Variants in R3HDM2 observed in about 807,000 individuals in gnomAD.
R3HDM2 encodes R3H domain-containing protein 2.
Under a neutral mutation model 124.5 loss-of-function variants are expected in R3HDM2, and 38 were observed. The ratio of observed to expected loss-of-function variants is 0.31; its 90% CI spans 0.24 to 0.40. The LOEUF is 0.40. R3HDM2 is among the 10% of genes least tolerant of loss of function. R3HDM2 has a pLI of 1.00. For synonymous variants in R3HDM2, 391 were observed against 448.0 expected, an observed-to-expected ratio of 0.87 and a Z score of 1.61; for missense variants, 869 against 1,236.9, an observed-to-expected ratio of 0.70 and a Z score of 4.46.
intron 3 of R3HDM2, 49 bp from the exon 4 acceptor site, chr12:57,303,266 G>T: frequency 7.0e-7 from 1 of 1,432,636 alleles, no homozygotes; most frequent in South Asian, 1.2e-5. Context: ...AAATCGACAT[G>T]TAAGTTAAAA....
intron 12 of R3HDM2, among the ~76,000 whole-genome samples, chr12:57,286,862 G>A (rs905979574): frequency 2.6e-5 from 4 of 151,928 alleles, no homozygotes; most frequent in African/African-American, 7.3e-5. Flanking sequence ...TGGGCAACAA[G>A]AGCGAAACTC....
At chr12:57,279,178 C>CTT (rs1212781487) in intron 14 of R3HDM2, among the ~76,000 whole-genome samples, 40 of 114,890 alleles carry the variant, frequency 3.5e-4, no homozygotes, top group Non-Finnish European at 4.9e-4. Flanking sequence ...ATTAAGGTGA[C>CTT]TTTTTTTTTT....
chr12:57,262,574 G>A (rs931011957), intron 19 of R3HDM2, among the ~76,000 whole-genome samples: 5 of 152,190 alleles, frequency 3.3e-5, no homozygotes, highest in Non-Finnish European at 5.9e-5. Flanking sequence ...GTTGTTCCAG[G>A]AACAGCTAAT....
intron 2 of R3HDM2, among the ~76,000 whole-genome samples, chr12:57,370,132 G>A (rs894348626): frequency 1.3e-5 from 2 of 152,196 alleles, no homozygotes; most frequent in Non-Finnish European, 2.9e-5. Context: ...ATGTGTGAGG[G>A]AGGGAGGCTT....
chr12:57,350,409 A>T (rs977508864), intron 2 of R3HDM2, among the ~76,000 whole-genome samples: 2 of 152,108 alleles, frequency 1.3e-5, no homozygotes, highest in African/African-American at 4.8e-5. Context: ...AAAAGCTTAC[A>T]TGAGTGAAGA....
At position 57,300,305 on chromosome 12, in the gene R3HDM2, T is replaced by C. The variant is rs529303298; in HGVS notation, c.208-124A>G. 1.1e-5 allele frequency: 9 copies of C among 786,734 alleles called. No individual in the cohort carries two copies. In the South Asian group the frequency reaches 1.6e-4, roughly 14 times the overall value. 48.7% of individuals were successfully genotyped at this position (786,734 alleles called of 1,614,324 possible). A position where few individuals can be genotyped will look rare whatever the true frequency, so the allele number is the denominator to read the frequency against. On this transcript the variant is annotated intron_variant, in intron 4 of 23. Coordinates refer to ENST00000402412, the MANE Select transcript of R3HDM2 (RefSeq NM_001394031.1). ...TCCTCTTTGGCTCTGTTAGTTGCTGTTTCCATTAAACAGGGGTTTTTTTCA... is the reference window on the plus strand; with the variant it reads ...TCCTCTTTGGCTCTGTTAGTTGCTGCTTCCATTAAACAGGGGTTTTTTTCA...
rs117374366 is a variant in R3HDM2, at chr12:57,386,383, G to C, written c.-36+9366C>G. 8.9e-3 allele frequency among the ~76,000 whole-genome samples: 1,362 copies of C among 152,368 alleles called. 22 individuals carry two copies. Among genetic ancestry groups the C allele is most frequent in the East Asian group, 0.071 (369 of 5,176 alleles). ...CAGCACGAGTTCCGGGTGGGAGTGG[G>C]CTCGGCAGGCTCCGCACTCGGAGAG... On this transcript the variant is annotated intron_variant, in intron 2 of 23. Transcript: ENST00000402412.
At chr12:57,429,682 C>A (rs2139773183) in intron 1 of R3HDM2, among the ~76,000 whole-genome samples, 1 of 146,822 alleles carries the variant, frequency 6.8e-6, no homozygotes, top group Admixed American at 7.0e-5. Context: ...CACTACACTC[C>A]ATTCTGGGTG....
intron 2 of R3HDM2, among the ~76,000 whole-genome samples, chr12:57,385,081 G>T (rs1594268666): frequency 6.6e-6 from 1 of 151,846 alleles, no homozygotes; most frequent in African/African-American, 2.4e-5. Context: ...AGGAGGTGGA[G>T]GTTGCAGTGA....
rs772797397 is a variant in R3HDM2 at position 57,369,333 on chromosome 12, G to C, written c.-36+26416C>G. 2.4e-4 allele frequency among the ~76,000 whole-genome samples: 37 copies of C among 152,158 alleles called. 1 individual carries two copies. Among genetic ancestry groups the C allele is most frequent in the Non-Finnish European group, 4.4e-5 (3 of 68,026 alleles). ...GCAGATGATATGTGATTCTGGTTCT[G>C]AAAGTCACCTAAAAGACTTTCATTG... On this transcript the variant is annotated intron_variant, in intron 2 of 23. Coordinates refer to ENST00000402412, the MANE Select transcript of R3HDM2 (RefSeq NM_001394031.1).
chr12:57,326,987 CA>C (rs57255275), intron 2 of R3HDM2, among the ~76,000 whole-genome samples: 12 of 149,400 alleles, frequency 8.0e-5, no homozygotes, highest in African/African-American at 2.9e-4. Context: ...ATATGTTGCT[CA>C]AAAAAAAAAA....
intron 1 of R3HDM2, among the ~76,000 whole-genome samples, chr12:57,420,204 T>C (rs2070054149): frequency 6.6e-6 from 1 of 152,188 alleles, no homozygotes; most frequent in Non-Finnish European, 1.5e-5. Flanking sequence ...CCTGTATATA[T>C]AAATATGCTC....
intron 12 of R3HDM2, among the ~76,000 whole-genome samples, chr12:57,285,313 G>A (rs1164575778): frequency 6.6e-6 from 1 of 152,086 alleles, no homozygotes; most frequent in African/African-American, 2.4e-5. Flanking sequence ...TAGGAAAAAT[G>A]GGCAAAATAC....
chr12:57,279,969 G>A (rs769925587), intron 14 of R3HDM2, among the ~76,000 whole-genome samples: 4 of 152,102 alleles, frequency 2.6e-5, no homozygotes, highest in Admixed American at 1.3e-4. Context: ...CCACATAGTT[G>A]GTCAGATGAT....
Position 57,259,071 on chromosome 12 carries a change from G to A in R3HDM2, c.2132-12C>T, listed in dbSNP as rs2039967949. 1 of 1,604,472 alleles carries A rather than the reference G, an allele frequency of 6.2e-7. No individual in the cohort carries two copies. Among genetic ancestry groups the A allele is most frequent in the South Asian group, 1.1e-5 (1 of 89,504 alleles). On this transcript the variant is annotated splice_polypyrimidine_tract_variant and intron_variant, in intron 19 of 23. Transcript: ENST00000402412. ...AGAAGGTGACACTCCTGAAGGGCAG[G>A]AAGAAAGCAGTTGGTTACAAATTCC...
intron 1 of R3HDM2, among the ~76,000 whole-genome samples, chr12:57,412,589 A>C (rs561880066): frequency 6.6e-6 from 1 of 152,246 alleles, no homozygotes; most frequent in East Asian, 1.9e-4. Context: ...CAAAGTATTA[A>C]AGGTCTGGGT....
chr12:57,275,120 C>T (rs898583433), intron 14 of R3HDM2, among the ~76,000 whole-genome samples: 11 of 152,116 alleles, frequency 7.2e-5, no homozygotes, highest in African/African-American at 2.4e-4. Context: ...TAAAAATAGG[C>T]ACATAGACCA....
intron 1 of R3HDM2, among the ~76,000 whole-genome samples, chr12:57,398,184 C>T (rs925311345): frequency 7.0e-6 from 1 of 143,680 alleles, no homozygotes; most frequent in African/African-American, 2.6e-5. Context: ...GCAGCCTAGG[C>T]AAAAGAGCGA....
At chr12:57,366,756 C>A (rs1338430279) in intron 2 of R3HDM2, among the ~76,000 whole-genome samples, 1 of 152,142 alleles carries the variant, frequency 6.6e-6, no homozygotes. Flanking sequence ...GTGGCGCGAT[C>A]TTGGCTCACT....
Sources: allele counts gnomAD v4.1 joint callset (sites outside exome capture counted in the v4.1 genomes callset), GRCh38; gene constraint gnomAD v4.1.1; transcripts MANE v1.5; gene names NCBI Gene and HGNC (gene_info 2026-07-23, HGNC 2026-07-21).